Variants in ATCAY observed in about 807,000 individuals in gnomAD.
ATCAY encodes the protein caytaxin.
A neutral mutation model predicts 47.7 loss-of-function variants in ATCAY; 22 were observed. The ratio of observed to expected loss-of-function variants is 0.46; its 90% CI spans 0.33 to 0.66. The LOEUF (loss-of-function observed/expected upper bound fraction) is 0.66. Among genes scored for constraint, ATCAY ranks in the 30% least tolerant of loss-of-function variants. The pLI, the probability that ATCAY is intolerant of heterozygous loss-of-function variation, is 0.02. For missense variants in ATCAY, 452 were observed against 515.0 expected (o/e 0.88, Z 1.18); for synonymous variants, 216 against 207.6 (o/e 1.04, Z -0.35).
chr19:3,923,595 G>A (rs1428698831), intron 12 of ATCAY, among the ~76,000 whole-genome samples: 2 of 150,022 alleles, frequency 1.3e-5, no homozygotes, highest in Non-Finnish European at 3.0e-5. Context: ...AAGGTTGACT[G>A]TGTGGATGGA....
At chr19:3,897,262 G>GCT (rs1233490364) in intron 2 of ATCAY, among the ~76,000 whole-genome samples, 1 of 124,782 alleles carries the variant, frequency 8.0e-6, no homozygotes, top group African/African-American at 3.2e-5. Context: ...TTTGAAGTTT[G>GCT]CTATATATAT....
At chr19:3,884,168 T>C (rs1214126501) in intron 1 of ATCAY, among the ~76,000 whole-genome samples, 1 of 152,068 alleles carries the variant, frequency 6.6e-6, no homozygotes, top group East Asian at 1.9e-4. Flanking sequence ...ACACTCGTGG[T>C]CCCAGATACT....
intron 2 of ATCAY, among the ~76,000 whole-genome samples, chr19:3,886,947 G>C (rs2038661949): frequency 2.0e-5 from 3 of 151,886 alleles, no homozygotes; most frequent in Admixed American, 1.3e-4. Flanking sequence ...CTCCGAAAGT[G>C]CTTGGATTCC....
chr19:3,906,955 T>C (rs912554596), intron 4 of ATCAY, among the ~76,000 whole-genome samples: 19 of 151,472 alleles, frequency 1.3e-4, no homozygotes, highest in African/African-American at 4.4e-4. Flanking sequence ...CTGGCCAACA[T>C]GGTGAAGCTC....
intron 1 of ATCAY, 96 bp from the exon 2 acceptor site, chr19:3,885,631 G>A (rs878925764): frequency 5.4e-5 from 34 of 630,524 alleles, no homozygotes; most frequent in Admixed American, 2.6e-4. Flanking sequence ...AGGGGGAGAC[G>A]GAGGGGGAGT....
intron 2 of ATCAY, among the ~76,000 whole-genome samples, chr19:3,892,634 C>T (rs571416898): frequency 1.3e-5 from 2 of 152,104 alleles, no homozygotes; most frequent in Admixed American, 6.6e-5. Flanking sequence ...GGGCTGGGTG[C>T]GGTGACTCAC....
intron 2 of ATCAY, among the ~76,000 whole-genome samples, chr19:3,888,487 G>A (rs563214528): frequency 2.6e-5 from 4 of 151,976 alleles, no homozygotes; most frequent in African/African-American, 9.6e-5. Flanking sequence ...AAAATTAGTC[G>A]GGCGTGGTGG....
rs146935439 is a variant in ATCAY, at chr19:3,917,902, C to T, written c.1001+125C>T. The T allele has an allele frequency of 1.4e-4, 139 of 999,852 alleles. No homozygotes were observed. The African/African-American group carries it at 1.4e-3, about 10-fold the overall frequency. 61.9% of individuals were successfully genotyped at this position (999,852 alleles called of 1,614,324 possible). The stretch of plus-strand genomic sequence containing the variant: ...CCATTGTCCTGTGCAGGGCTCAAGA[C>T]GCTGCCCTTCTGGCAAGGACTTTAA... On this transcript the variant is annotated intron_variant, in intron 10 of 12. Transcript: ENST00000450849.
chr19:3,909,664 C>A (rs1239838354), intron 7 of ATCAY, 47 bp downstream of exon 7: 1 of 1,547,938 alleles, frequency 6.5e-7, no homozygotes, highest in East Asian at 2.4e-5. Context: ...ATGAAAATCA[C>A]ACAGGGGGCT....
At chr19:3,889,376 G>C (rs1055373802) in intron 2 of ATCAY, among the ~76,000 whole-genome samples, 16 of 152,086 alleles carry the variant, frequency 1.1e-4, no homozygotes, top group African/African-American at 3.6e-4. Context: ...TCGCACCACT[G>C]AACTCCAGCC....
chr19:3,883,204 T>C (rs942681347), intron 1 of ATCAY, among the ~76,000 whole-genome samples: 2 of 152,032 alleles, frequency 1.3e-5, no homozygotes, highest in African/African-American at 2.4e-5. Context: ...TGAAACCCCA[T>C]CTCTACTAAA....
At chr19:3,881,653 T>A (rs951017585) in intron 1 of ATCAY, among the ~76,000 whole-genome samples, 1 of 150,666 alleles carries the variant, frequency 6.6e-6, no homozygotes, top group Non-Finnish European at 1.5e-5. Flanking sequence ...CACCCCATCC[T>A]TAGAAGACTG....
chr19:3,881,648 C>G (rs2038600311), intron 1 of ATCAY, among the ~76,000 whole-genome samples: 1 of 146,346 alleles, frequency 6.8e-6, no homozygotes, highest in African/African-American at 2.5e-5. Context: ...CACCCCACCC[C>G]ATCCTTAGAA....
chr19:3,924,331 C>A (rs1017666100), intron 12 of ATCAY, among the ~76,000 whole-genome samples: 13 of 151,960 alleles, frequency 8.6e-5, no homozygotes, highest in Non-Finnish European at 4.4e-5. Context: ...TGGGTTGAAG[C>A]CTCCCTCCAG....
intron 12 of ATCAY, among the ~76,000 whole-genome samples, chr19:3,921,232 C>T (rs912136970): frequency 4.6e-5 from 7 of 151,448 alleles, no homozygotes; most frequent in African/African-American, 1.5e-4. Flanking sequence ...TCCCTGTGGC[C>T]GGGCGCAGCG....
chr19:3,923,588 G>T (rs539761729), intron 12 of ATCAY, among the ~76,000 whole-genome samples: 24 of 151,640 alleles, frequency 1.6e-4, no homozygotes, highest in Non-Finnish European at 2.9e-4. Flanking sequence ...ATGGGTGAAG[G>T]TTGACTGTGT....
chr19:3,911,144 T>A (rs4806963), intron 8 of ATCAY, among the ~76,000 whole-genome samples: 85,618 of 152,016 alleles, frequency 0.56, 25,142 homozygotes, highest in East Asian at 0.94. Flanking sequence ...CTCAGAAGGC[T>A]GAGGTGGGAG....
At chr19:3,901,098 T>A (rs1226867457) in intron 2 of ATCAY, among the ~76,000 whole-genome samples, 1 of 150,840 alleles carries the variant, frequency 6.6e-6, no homozygotes, top group Admixed American at 6.6e-5. Flanking sequence ...GAGACGGGGT[T>A]TCACCATGTT....
chr19:3,918,589 GC>G (rs1165290286), intron 10 of ATCAY, among the ~76,000 whole-genome samples: 1 of 151,764 alleles, frequency 6.6e-6, no homozygotes, highest in Non-Finnish European at 1.5e-5. Context: ...CCTTTATCAT[GC>G]CAGGTCCAAT....
Sources: gnomAD v4.1 joint callset for allele counts (sites outside exome capture counted in the v4.1 genomes callset) on GRCh38, gnomAD v4.1.1 for gene constraint, MANE v1.5 for transcripts, NCBI Gene and HGNC (gene_info 2026-07-23, HGNC 2026-07-21) for gene names.